SIRT5: variants seen among roughly 807,000 people sequenced by gnomAD.
SIRT5 encodes the protein NAD-dependent protein deacylase sirtuin-5, mitochondrial.
Under a neutral mutation model 40.0 loss-of-function variants are expected in SIRT5, and 26 were observed. The observed-to-expected ratio is 0.65, with a 90% confidence interval of 0.48 to 0.90. The LOEUF (loss-of-function observed/expected upper bound fraction) is 0.90. SIRT5 is among the 40% of genes least tolerant of loss of function. The pLI, the probability that SIRT5 is intolerant of heterozygous loss-of-function variation, is 0.00. For missense variants in SIRT5, 401 were observed against 402.4 expected (o/e 1.00, Z 0.03); for synonymous variants, 146 against 149.1 (o/e 0.98, Z 0.15).
intron 9 of SIRT5, chr6:13,604,947 T>C: frequency 3.0e-6 from 3 of 992,508 alleles, no homozygotes; most frequent in Non-Finnish European, 3.6e-6. Context: ...ATCTCATCAA[T>C]GAAGGAGTAA....
rs1247413249 is a variant in SIRT5 at position 13,614,877 on chromosome 6, TC to T, written c.*3015del. ...CGGCCATCTGCTAGAGCGCATTTCT[TC>T]CCATGAAACGCCACCTCCTCCGAAG... On this transcript the variant is annotated 3_prime_UTR_variant, in exon 10 of 10. Coordinates refer to ENST00000606117, the MANE Select transcript of SIRT5 (RefSeq NM_012241.5). 1.3e-5 allele frequency: 2 copies of T among 156,142 alleles called. No individual in the cohort carries two copies. Among genetic ancestry groups the T allele is most frequent in the Non-Finnish European group, 2.8e-5 (2 of 70,654 alleles). 9.7% of individuals were successfully genotyped at this position (156,142 alleles called of 1,614,324 possible).
chr6:13,608,133 T>A (rs1233719404), intron 9 of SIRT5, among the ~76,000 whole-genome samples: 1 of 152,256 alleles, frequency 6.6e-6, no homozygotes, highest in Non-Finnish European at 1.5e-5. Flanking sequence ...CTGAATGTTA[T>A]AACTATCTGG....
Position 13,613,838 on chromosome 6 carries a change from CT to C in SIRT5, c.*1976del, listed in dbSNP as rs1449467312. 1 of 152,162 alleles carries C rather than the reference CT, an allele frequency of 6.6e-6. No homozygotes were observed. The highest frequency in any genetic ancestry group is 1.9e-4 in the East Asian group (1 of 5,194). 9.4% of individuals were successfully genotyped at this position (152,162 alleles called of 1,614,324 possible). A position where few individuals can be genotyped will look rare whatever the true frequency, so the allele number is the denominator to read the frequency against. On this transcript the variant is annotated 3_prime_UTR_variant, in exon 10 of 10. Transcript: ENST00000606117. The stretch of plus-strand genomic sequence containing the variant: ...TTGTTCTTGGGCTGCTCCAAGTTAA[CT>C]TTATTCATTTTCCTAGTGTTAGTGT...
chr6:13,598,152 G>A (rs1761846383), intron 7 of SIRT5, among the ~76,000 whole-genome samples: 1 of 152,182 alleles, frequency 6.6e-6, no homozygotes, highest in Non-Finnish European at 1.5e-5. Context: ...AATATTAAAA[G>A]TTTTCTTCTG....
At chr6:13,588,574 G>T (rs1760393359) in intron 4 of SIRT5, 110 bp downstream of exon 4, 9 of 1,294,490 alleles carry the variant, frequency 7.0e-6, no homozygotes, top group Non-Finnish European at 2.1e-6. Flanking sequence ...GTTTTTAAGT[G>T]AACTGTGACC....
At chr6:13,583,567 T>G (rs1475864181) in intron 2 of SIRT5, among the ~76,000 whole-genome samples, 1 of 152,210 alleles carries the variant, frequency 6.6e-6, no homozygotes, top group Admixed American at 6.5e-5. Context: ...GTGGTGGGAT[T>G]ATAGGCGTGA....
chr6:13,576,749 C>G (rs1015143733), intron 1 of SIRT5, among the ~76,000 whole-genome samples: 1 of 152,046 alleles, frequency 6.6e-6, no homozygotes, highest in Non-Finnish European at 1.5e-5. Context: ...GGAGTTTTCA[C>G]CTATGTTATC....
intron 9 of SIRT5, among the ~76,000 whole-genome samples, chr6:13,609,161 T>C (rs1450692093): frequency 6.6e-6 from 1 of 152,240 alleles, no homozygotes; most frequent in East Asian, 1.9e-4. Context: ...GCATAAACTT[T>C]TAATTGGTCC....
intron 9 of SIRT5, among the ~76,000 whole-genome samples, chr6:13,608,909 C>A (rs561052284): frequency 1.4e-4 from 21 of 151,812 alleles, no homozygotes; most frequent in African/African-American, 5.1e-4. Context: ...GCAACCTCTG[C>A]CTCCCGGATT....
chr6:13,597,073 A>G, intron 7 of SIRT5, 57 bp downstream of exon 7: 1 of 1,361,006 alleles, frequency 7.3e-7, no homozygotes, highest in Non-Finnish European at 1.0e-6. Flanking sequence ...CAAAAAAAAA[A>G]ACAGACATCA....
chr6:13,578,928 A>G (rs954713791), intron 1 of SIRT5, among the ~76,000 whole-genome samples: 3 of 152,116 alleles, frequency 2.0e-5, no homozygotes, highest in Admixed American at 2.0e-4. Context: ...AAAAGCTCCC[A>G]ATGACTGATC....
rs1763994968 is a variant in SIRT5, at chr6:13,612,062, C to A, written c.*197C>A. 1 of 442,416 alleles carries A rather than the reference C, an allele frequency of 2.3e-6. No homozygotes were observed. The highest frequency in any genetic ancestry group is 2.0e-5 in the African/African-American group (1 of 51,174). The allele number at this position is 442,416 out of a possible 1,614,324, so 27.4% of individuals were successfully genotyped here. On this transcript the variant is annotated 3_prime_UTR_variant, in exon 10 of 10. Coordinates refer to ENST00000606117, the MANE Select transcript of SIRT5 (RefSeq NM_012241.5). The stretch of plus-strand genomic sequence containing the variant: ...GCACCCACATTCAAAAGTCACAGAA[C>A]TGGAAAGTTAATTCATATTATTTGG...
At chr6:13,592,560 C>T (rs553252643) in intron 5 of SIRT5, among the ~76,000 whole-genome samples, 5 of 151,928 alleles carry the variant, frequency 3.3e-5, no homozygotes, top group South Asian at 2.1e-4. Flanking sequence ...CCTGTGATGT[C>T]GGTGGACCCC....
chr6:13,598,791 A>T (rs1761956986), intron 7 of SIRT5, among the ~76,000 whole-genome samples: 1 of 146,632 alleles, frequency 6.8e-6, no homozygotes, highest in African/African-American at 2.5e-5. Context: ...ATGGCATTGC[A>T]CTTCCGCCTG....
At chr6:13,584,445 G>T (rs1042655106) in intron 3 of SIRT5, among the ~76,000 whole-genome samples, 4 of 152,154 alleles carry the variant, frequency 2.6e-5, no homozygotes, top group African/African-American at 9.7e-5. Context: ...CCGCCTCCTG[G>T]GTTCAAGCAG....
rs1000363584 is a variant in SIRT5 at position 13,605,050 on chromosome 6, T to C, written c.857+4101T>C. ...GTGATAGTCATCTCATCCTACTCAA[T>C]TTTTCAAAGGCAGAAACCAACCCTG... On this transcript the variant is annotated intron_variant, in intron 9 of 9. Coordinates refer to ENST00000606117, the MANE Select transcript of SIRT5 (RefSeq NM_012241.5). 5.4e-5 allele frequency: 53 copies of C among 986,148 alleles called. No homozygotes were observed. The African/African-American group carries it at 8.9e-4, about 17-fold the overall frequency. 61.1% of individuals were successfully genotyped at this position (986,148 alleles called of 1,614,324 possible).
At chr6:13,595,072 C>G (rs527523632) in intron 5 of SIRT5, among the ~76,000 whole-genome samples, 1 of 152,338 alleles carries the variant, frequency 6.6e-6, no homozygotes, top group South Asian at 2.1e-4. Flanking sequence ...ACTCCAAGGT[C>G]ATCTGATGGC....
At chr6:13,610,444 A>G (rs2127741503) in intron 9 of SIRT5, among the ~76,000 whole-genome samples, 1 of 121,892 alleles carries the variant, frequency 8.2e-6, no homozygotes, top group East Asian at 2.4e-4. Flanking sequence ...CTACTTACAT[A>G]TGAAGGTGTC....
At chr6:13,584,255 C>A in intron 3 of SIRT5, 30 bp downstream of exon 3, 1 of 1,490,900 alleles carries the variant, frequency 6.7e-7, no homozygotes, top group Non-Finnish European at 9.4e-7. Flanking sequence ...GCCTCACCTG[C>A]AGCCAAATGT....
Sources: gnomAD v4.1 joint callset for allele counts (sites outside exome capture counted in the v4.1 genomes callset) on GRCh38, gnomAD v4.1.1 for gene constraint, MANE v1.5 for transcripts, NCBI Gene and HGNC (gene_info 2026-07-23, HGNC 2026-07-21) for gene names.